Variants in PCDH15 observed in about 807,000 individuals in gnomAD.
The protein encoded by PCDH15 is protocadherin related 15.
A neutral mutation model predicts 178.5 loss-of-function variants in PCDH15; 129 were observed. The observed-to-expected ratio is 0.72, with a 90% CI of 0.63 to 0.84. The LOEUF (loss-of-function observed/expected upper bound fraction) is 0.84, where lower values mean the gene tolerates loss of function less well. Among genes scored for constraint, PCDH15 ranks in the 40% least tolerant of loss-of-function variants. The probability of loss-of-function intolerance (pLI) is 0.00; values close to 1 mark genes in which losing one functional copy is unlikely to be tolerated. For synonymous variants in PCDH15, 800 were observed against 732.0 expected (o/e 1.09, Z -1.50); for missense variants, 2,230 against 2,099.9 (o/e 1.06, Z -1.21).
intron 2 of PCDH15, among the ~76,000 whole-genome samples, chr10:54,963,335 G>GTT (rs5785104): frequency 2.7e-5 from 4 of 148,468 alleles, no homozygotes; most frequent in Admixed American, 6.7e-5. Context: ...CATAAAATGT[G>GTT]TTTTTTTTTT....
chr10:54,508,798 G>A (rs778466270), intron 3 of PCDH15, among the ~76,000 whole-genome samples: 4 of 151,918 alleles, frequency 2.6e-5, no homozygotes, highest in Non-Finnish European at 5.9e-5. Flanking sequence ...AAAAATAGCT[G>A]GTACAGGTTG....
intron 2 of PCDH15, among the ~76,000 whole-genome samples, chr10:55,357,992 C>A (rs1239266033): frequency 2.0e-5 from 3 of 151,998 alleles, no homozygotes; most frequent in African/African-American, 7.2e-5. Flanking sequence ...TTTCCATTTG[C>A]AGAGACTGAG....
chr10:53,848,514 T>C (rs1286805593), intron 28 of PCDH15, among the ~76,000 whole-genome samples: 1 of 152,050 alleles, frequency 6.6e-6, no homozygotes, highest in Non-Finnish European at 1.5e-5. Context: ...GCTCAATCTT[T>C]CTTTGCTTTT....
At chr10:54,353,697 A>G (rs2134300693) in intron 5 of PCDH15, among the ~76,000 whole-genome samples, 1 of 152,058 alleles carries the variant, frequency 6.6e-6, no homozygotes, top group African/African-American at 2.4e-5. Context: ...CTGTTTCATT[A>G]ATGTTTTTCA....
chr10:54,453,007 T>C (rs931521581), intron 3 of PCDH15, among the ~76,000 whole-genome samples: 1 of 152,016 alleles, frequency 6.6e-6, no homozygotes. Flanking sequence ...GAGTAGGCCC[T>C]AAATCCAATC....
At chr10:54,013,723 C>T (rs542282084) in intron 20 of PCDH15, among the ~76,000 whole-genome samples, 1 of 152,194 alleles carries the variant, frequency 6.6e-6, no homozygotes, top group Non-Finnish European at 1.5e-5. Flanking sequence ...AAAGATCCAG[C>T]ATACCAGAAT....
chr10:54,170,471 T>C, intron 13 of PCDH15, among the ~76,000 whole-genome samples: 1 of 151,888 alleles, frequency 6.6e-6, no homozygotes, highest in Non-Finnish European at 1.5e-5. Flanking sequence ...ACTCACTCTC[T>C]ACAGTTCTCA....
At chr10:55,490,449 A>G (rs1435797868) in intron 2 of PCDH15, among the ~76,000 whole-genome samples, 1 of 151,818 alleles carries the variant, frequency 6.6e-6, no homozygotes, top group Admixed American at 6.6e-5. Context: ...TATAAGCTAA[A>G]TAATTTTATT....
chr10:55,184,290 A>G (rs1391899886), intron 1 of PCDH15, among the ~76,000 whole-genome samples: 1 of 151,838 alleles, frequency 6.6e-6, no homozygotes, highest in African/African-American at 2.4e-5. Flanking sequence ...GGAAATATGG[A>G]CTCATCCGTA....
chr10:54,218,223 C>A (rs1326804503), intron 9 of PCDH15, among the ~76,000 whole-genome samples: 2 of 152,142 alleles, frequency 1.3e-5, no homozygotes, highest in African/African-American at 4.8e-5. Context: ...AGAGTGCCAT[C>A]ATTTTACAAC....
chr10:55,386,441 C>T (rs1837661728), intron 2 of PCDH15, among the ~76,000 whole-genome samples: 1 of 151,858 alleles, frequency 6.6e-6, no homozygotes, highest in African/African-American at 2.4e-5. Context: ...AATGAAGCTA[C>T]TTTAAATATA....
intron 8 of PCDH15, among the ~76,000 whole-genome samples, chr10:54,267,450 TAGAC>T (rs2057765029): frequency 6.6e-6 from 1 of 151,780 alleles, no homozygotes; most frequent in East Asian, 1.9e-4. Context: ...CAAGAAATAA[TAGAC>T]ATCCAAATAG....
intron 2 of PCDH15, among the ~76,000 whole-genome samples, chr10:55,057,356 C>T (rs745666664): frequency 1.3e-5 from 2 of 152,122 alleles, no homozygotes; most frequent in African/African-American, 4.8e-5. Context: ...CACCCTGATG[C>T]TTTTCTTCCT....
chr10:54,123,612 G>A (rs2041744833), intron 15 of PCDH15, among the ~76,000 whole-genome samples: 1 of 152,046 alleles, frequency 6.6e-6, no homozygotes, highest in Non-Finnish European at 1.5e-5. Flanking sequence ...AATCAGTTTG[G>A]AGATTTCTCA....
At chr10:54,538,003 T>A (rs1018903200) in intron 2 of PCDH15, among the ~76,000 whole-genome samples, 2 of 152,226 alleles carry the variant, frequency 1.3e-5, no homozygotes, top group African/African-American at 4.8e-5. Flanking sequence ...TTCTTATAGA[T>A]TCTGGAGATT....
intron 28 of PCDH15, among the ~76,000 whole-genome samples, chr10:53,852,669 TTTTCC>T (rs1273451769): frequency 1.3e-5 from 2 of 152,110 alleles, no homozygotes; most frequent in Non-Finnish European, 2.9e-5. Context: ...AGGTCATTAT[TTTTCC>T]TTTCATCAAG....
intron 3 of PCDH15, chr10:54,452,275 C>G (rs528950603): frequency 5.9e-5 from 9 of 152,104 alleles, no homozygotes; most frequent in African/African-American, 1.7e-4. Context: ...CTCCATGCTA[C>G]ACTTGAATAA....
intron 11 of PCDH15, among the ~76,000 whole-genome samples, chr10:54,191,763 A>AG (rs1481634924): frequency 5.3e-5 from 8 of 151,112 alleles, no homozygotes; most frequent in Non-Finnish European, 1.0e-4. Flanking sequence ...AAAAAAAAAA[A>AG]AAAAAAAATT....
intron 2 of PCDH15, among the ~76,000 whole-genome samples, chr10:54,944,118 AGTGGGTGG>A (rs1838130983): frequency 6.6e-6 from 1 of 151,914 alleles, no homozygotes; most frequent in South Asian, 2.1e-4. Context: ...ACATAAGCAA[AGTGGGTGG>A]CTGACAACAA....
Sources: gnomAD v4.1 joint callset for allele counts (sites outside exome capture counted in the v4.1 genomes callset) on GRCh38, gnomAD v4.1.1 for gene constraint, MANE v1.5 for transcripts, NCBI Gene and HGNC (gene_info 2026-07-23, HGNC 2026-07-21) for gene names.